GAS7: variants seen among roughly 807,000 people sequenced by gnomAD.
GAS7 encodes growth arrest-specific protein 7.
A neutral mutation model predicts 71.1 loss-of-function variants in GAS7; 28 were observed. The ratio of observed to expected loss-of-function variants is 0.39; its 90% CI spans 0.29 to 0.54. GAS7 has a LOEUF of 0.54. GAS7 is among the 20% of genes least tolerant of loss of function. The pLI is 0.62. For missense variants in GAS7, 436 were observed against 627.8 expected (o/e 0.69, Z 3.27); for synonymous variants, 258 against 245.8 (o/e 1.05, Z -0.46).
chr17:10,180,033 T>C (rs1039177668), intron 1 of GAS7, among the ~76,000 whole-genome samples: 1 of 152,058 alleles, frequency 6.6e-6, no homozygotes. Context: ...GCCTTATTAT[T>C]CCCACTTAAA....
chr17:9,993,290 T>G (rs2070916079), intron 2 of GAS7, among the ~76,000 whole-genome samples: 1 of 152,156 alleles, frequency 6.6e-6, no homozygotes, highest in East Asian at 1.9e-4. Flanking sequence ...TTCTAATGAT[T>G]GCCATTCTAA....
intron 1 of GAS7, among the ~76,000 whole-genome samples, chr17:10,190,093 C>A (rs543835811): frequency 6.6e-6 from 1 of 152,216 alleles, no homozygotes; most frequent in Middle Eastern, 3.2e-3. Flanking sequence ...GCTGCTTTTG[C>A]ACTACAGCAG....
intron 1 of GAS7, among the ~76,000 whole-genome samples, chr17:10,141,736 C>T (rs2074082823): frequency 6.6e-6 from 1 of 152,130 alleles, no homozygotes; most frequent in Admixed American, 6.5e-5. Flanking sequence ...CCTTGAATTC[C>T]CCACCTTTAA....
Position 10,193,630 on chromosome 17 carries a change from A to G in GAS7, c.183+4578T>C, listed in dbSNP as rs549981681. Reference sequence around the variant, plus strand: ...TGCATTCTTAGAAGCCAGCTACCACATAACTCCTGAAGAGAAAGGCCATGT... The same window carrying G: ...TGCATTCTTAGAAGCCAGCTACCACGTAACTCCTGAAGAGAAAGGCCATGT... On this transcript the variant is annotated intron_variant, in intron 1 of 13. Coordinates refer to ENST00000432992, the MANE Select transcript of GAS7 (RefSeq NM_201433.2). Among the ~76,000 whole-genome samples, 4 of 152,354 alleles carry G rather than the reference A, an allele frequency of 2.6e-5. 1 individual carries two copies. Among genetic ancestry groups the G allele is most frequent in the South Asian group, 4.1e-4 (2 of 4,830 alleles).
chr17:10,160,939 T>TAC (rs61578754), intron 1 of GAS7, among the ~76,000 whole-genome samples: 17,430 of 139,502 alleles, frequency 0.12, 1,177 homozygotes, highest in African/African-American at 0.19. Flanking sequence ...ATTGAAACCA[T>TAC]ACACACACAC....
At chr17:9,987,942 G>A (rs1249865112) in intron 2 of GAS7, among the ~76,000 whole-genome samples, 1 of 152,204 alleles carries the variant, frequency 6.6e-6, no homozygotes, top group African/African-American at 2.4e-5. Flanking sequence ...CTGGCCCCCA[G>A]TGGCCTCCTG....
In GAS7 at chr17:9,925,408, C is replaced by T. The variant is rs2067962878; in HGVS notation, c.1138+68G>A. The T allele has an allele frequency of 5.2e-6, 8 of 1,539,324 alleles. No individual in the cohort carries two copies. The South Asian group carries it at 7.9e-5, about 15-fold the overall frequency. On this transcript the variant is annotated intron_variant, in intron 11 of 13. Transcript: ENST00000432992. Reference sequence around the variant, plus strand: ...AGAGATGCACCCTCGCCAGTCACCTCATCTCCTAGCCCCGTGCCCTCTCCT... The same window carrying T: ...AGAGATGCACCCTCGCCAGTCACCTTATCTCCTAGCCCCGTGCCCTCTCCT...
chr17:10,166,843 C>T (rs1183329033), intron 1 of GAS7, among the ~76,000 whole-genome samples: 1 of 152,098 alleles, frequency 6.6e-6, no homozygotes, highest in African/African-American at 2.4e-5. Flanking sequence ...CCAGGACCTA[C>T]GTTTCCATGA....
At chr17:10,029,839 G>C (rs983450969) in intron 1 of GAS7, among the ~76,000 whole-genome samples, 1 of 151,344 alleles carries the variant, frequency 6.6e-6, no homozygotes, top group Non-Finnish European at 1.5e-5. Flanking sequence ...GTGACAGAGC[G>C]AGACTCCGTC....
chr17:10,126,249 C>T (rs1221848032), intron 1 of GAS7, among the ~76,000 whole-genome samples: 1 of 152,130 alleles, frequency 6.6e-6, no homozygotes, highest in Non-Finnish European at 1.5e-5. Context: ...TCCTGGAGTT[C>T]TCAGGGAAGA....
At chr17:10,108,473 G>A (rs1209929115) in intron 1 of GAS7, among the ~76,000 whole-genome samples, 1 of 152,152 alleles carries the variant, frequency 6.6e-6, no homozygotes, top group Non-Finnish European at 1.5e-5. Flanking sequence ...CATGCACTGT[G>A]ATTTTCTATT....
At chr17:10,028,618 G>A (rs1350569616) in intron 1 of GAS7, among the ~76,000 whole-genome samples, 2 of 150,386 alleles carry the variant, frequency 1.3e-5, no homozygotes, top group African/African-American at 4.9e-5. Context: ...AGGGCAGGAA[G>A]ATATGACATT....
intron 11 of GAS7, among the ~76,000 whole-genome samples, chr17:9,920,800 C>T (rs1275728780): frequency 6.6e-6 from 1 of 152,138 alleles, no homozygotes; most frequent in Non-Finnish European, 1.5e-5. Context: ...ATGAGTGAAC[C>T]CCAAAGTGAA....
chr17:10,167,510 T>C (rs1374880983), intron 1 of GAS7, among the ~76,000 whole-genome samples: 1 of 151,830 alleles, frequency 6.6e-6, no homozygotes. Flanking sequence ...GAGCCTGGGG[T>C]GAGATGGTGG....
chr17:10,064,699 G>C (rs562647286), intron 1 of GAS7, among the ~76,000 whole-genome samples: 20 of 152,270 alleles, frequency 1.3e-4, no homozygotes, highest in African/African-American at 4.8e-4. Flanking sequence ...GAAGGAAGAG[G>C]GCTGATGAGG....
At chr17:10,096,787 G>A (rs537108480) in intron 1 of GAS7, among the ~76,000 whole-genome samples, 3 of 152,370 alleles carry the variant, frequency 2.0e-5, no homozygotes, top group Admixed American at 6.5e-5. Context: ...GTGAGAAAGC[G>A]CACATCCTGA....
At chr17:10,089,626 G>A (rs995861202) in intron 1 of GAS7, among the ~76,000 whole-genome samples, 1 of 152,100 alleles carries the variant, frequency 6.6e-6, no homozygotes, top group African/African-American at 2.4e-5. Flanking sequence ...ATCACATTCT[G>A]GCTACAGTTC....
intron 1 of GAS7, among the ~76,000 whole-genome samples, chr17:10,129,162 A>G (rs1030287215): frequency 6.6e-6 from 1 of 152,180 alleles, no homozygotes; most frequent in Non-Finnish European, 1.5e-5. Flanking sequence ...CATACAAAAG[A>G]ATGAAGCTGG....
At chr17:10,196,075 G>T (rs913644370) in intron 1 of GAS7, among the ~76,000 whole-genome samples, 4 of 152,168 alleles carry the variant, frequency 2.6e-5, no homozygotes, top group African/African-American at 9.7e-5. Flanking sequence ...TAGAGGTTCA[G>T]CCTCCCCTTC....
Sources: gnomAD v4.1 joint callset for allele counts (sites outside exome capture counted in the v4.1 genomes callset) on GRCh38, gnomAD v4.1.1 for gene constraint, MANE v1.5 for transcripts, NCBI Gene and HGNC (gene_info 2026-07-23, HGNC 2026-07-21) for gene names.